The following MEGF8 variants were observed in gnomAD, a reference collection of about 807,000 sequenced individuals.
The protein encoded by MEGF8 is multiple EGF like domains 8.
MEGF8 carries 156 observed loss-of-function variants against 302.9 expected under a neutral mutation model. The observed-to-expected ratio is 0.52, with a 90% CI of 0.45 to 0.59. The LOEUF is 0.59. Ranked by LOEUF, MEGF8 falls within the 20% of genes least tolerant of loss-of-function variation. MEGF8 has a pLI of 0.00. For missense variants in MEGF8, 3,345 were observed against 3,964.5 expected (o/e 0.84, Z 4.20); for synonymous variants, 1,621 against 1,660.5 (o/e 0.98, Z 0.58).
Position 42,358,252 on chromosome 19 carries a change from C to T in MEGF8, c.5120C>T (p.Ser1707Phe), listed in dbSNP as rs865926329. 6.2e-7 allele frequency: 1 copy of T among 1,605,720 alleles called. No homozygotes were observed. The highest frequency in any genetic ancestry group is 8.5e-7 in the Non-Finnish European group (1 of 1,176,594). Reference protein sequence around the residue: ...ELAAPSPELYSLHCPDRTWSL... With the variant: ...ELAAPSPELYFLHCPDRTWSL... ...GCGGCCCCATCCCCCGAGCTCTACT[C>T]CCTGCACTGTCCTGACCGCACCTGG... The change falls in exon 29 of 42, where the codon TCC becomes TTC. Residue 1707 changes from serine (S) to phenylalanine (F), a missense_variant. Physicochemically the swap from Ser to Phe is radical, Grantham distance 155. Coordinates refer to ENST00000251268, the MANE Select transcript of MEGF8 (RefSeq NM_001271938.2). This position sits in a 1 kb window ranked among gnomAD's most constrained non-coding sequence, Gnocchi z 4.4.
At chr19:42,350,908 G>A (rs2147474880) in intron 15 of MEGF8, among the ~76,000 whole-genome samples, 1 of 152,254 alleles carries the variant, frequency 6.6e-6, no homozygotes, top group East Asian at 1.9e-4. Context: ...ACAGGCTCCT[G>A]GGCCAATGAC....
rs939847128 is a variant in MEGF8, at chr19:42,357,273, G to C, written c.4831-131G>C. On this transcript the variant is annotated intron_variant, in intron 27 of 41. Transcript: ENST00000251268. This position sits in a 1 kb window ranked among gnomAD's most constrained non-coding sequence, Gnocchi z 5.2. ...CCTCTGCCAGGACCCAGGCTGGTCC[G>C]ACTGGCCCTGGGGGGGTCATTCCCT... 6 of 1,163,752 alleles carry C rather than the reference G, an allele frequency of 5.2e-6. No homozygotes were observed. Among genetic ancestry groups the C allele is most frequent in the Non-Finnish European group, 7.2e-6 (6 of 828,434 alleles). 72.1% of individuals were successfully genotyped at this position (1,163,752 alleles called of 1,614,324 possible). A position where few individuals can be genotyped will look rare whatever the true frequency, so the allele number is the denominator to read the frequency against.
At position 42,375,443 on chromosome 19, in the gene MEGF8, G is replaced by C. The variant is rs1424158111; in HGVS notation, c.7270-64G>C. On this transcript the variant is annotated intron_variant, in intron 41 of 41. Coordinates refer to ENST00000251268, the MANE Select transcript of MEGF8 (RefSeq NM_001271938.2). This position sits in a 1 kb window ranked among gnomAD's most constrained non-coding sequence, Gnocchi z 7.1. ...TGGGTATAGAGTATTCGTCACTGCT[G>C]CTTGGGGGACAGGCTGGCACCGCAC... The C allele has an allele frequency of 6.9e-6, 10 of 1,459,488 alleles. No individual in the cohort carries two copies. The Admixed American group carries it at 2.3e-4, about 34-fold the overall frequency. 90.4% of individuals were successfully genotyped at this position (1,459,488 alleles called of 1,614,324 possible). A position where few individuals can be genotyped will look rare whatever the true frequency, so the allele number is the denominator to read the frequency against.
At position 42,362,378 on chromosome 19, in the gene MEGF8, C is replaced by G; in HGVS notation, c.5845-6C>G. On this transcript the variant is annotated splice_region_variant and splice_polypyrimidine_tract_variant and intron_variant, in intron 33 of 41. Coordinates refer to ENST00000251268, the MANE Select transcript of MEGF8 (RefSeq NM_001271938.2). ...GGGTCCCATCTAGCCTGTCTTCCCT[C>G]ACCAGGCGTCCACCCCCCGCTGTAA... is the stretch of plus-strand genomic sequence containing the variant. 2 of 1,613,856 alleles carry G rather than the reference C, an allele frequency of 1.2e-6. No individual in the cohort carries two copies.
At chr19:42,332,496 T>A (rs2039068235) in intron 1 of MEGF8, among the ~76,000 whole-genome samples, 1 of 152,174 alleles carries the variant, frequency 6.6e-6, no homozygotes. Flanking sequence ...GCCTCCCAAG[T>A]AGCTGGGATT....
chr19:42,351,041 GCCGAC>G lies in MEGF8; in HGVS notation c.2737-172_2737-168del. On this transcript the variant is annotated intron_variant, in intron 15 of 41. Coordinates refer to ENST00000251268, the MANE Select transcript of MEGF8 (RefSeq NM_001271938.2). The surrounding 1 kb of genome is among the most constrained non-coding windows in gnomAD (Gnocchi z 5.6). ...AAAGGAGACAGTGGGTGCTGGGCGG[GCCGAC>G]CCATGGGTGTCTGTGGTCGAAGGGA... 4.8e-6 allele frequency: 3 copies of G among 630,280 alleles called. No homozygotes were observed. Among genetic ancestry groups the G allele is most frequent in the Non-Finnish European group, 8.4e-6 (3 of 355,226 alleles). The allele number at this position is 630,280 out of a possible 1,614,324, so 39.0% of individuals were successfully genotyped here.
In MEGF8 at chr19:42,357,255, C is replaced by A; in HGVS notation, c.4831-149C>A. The A allele has an allele frequency of 9.8e-7, 1 of 1,020,078 alleles. No individual in the cohort carries two copies. Among genetic ancestry groups the A allele is most frequent in the Non-Finnish European group, 1.4e-6 (1 of 709,128 alleles). 63.2% of individuals were successfully genotyped at this position (1,020,078 alleles called of 1,614,324 possible). ...GCCAAGGGGCCCACTGTGCCTCTGC[C>A]AGGACCCAGGCTGGTCCGACTGGCC... is the stretch of plus-strand genomic sequence containing the variant. On this transcript the variant is annotated intron_variant, in intron 27 of 41. Transcript: ENST00000251268. The surrounding 1 kb of genome is among the most constrained non-coding windows in gnomAD (Gnocchi z 5.2).
At chr19:42,366,335 G>A (rs2039605774) in intron 35 of MEGF8, among the ~76,000 whole-genome samples, 1 of 152,042 alleles carries the variant, frequency 6.6e-6, no homozygotes, top group African/African-American at 2.4e-5. Flanking sequence ...CAAGCATCTG[G>A]GACTATAGAT....
In MEGF8 at chr19:42,352,539, G is replaced by T; in HGVS notation, c.3350+83G>T. On this transcript the variant is annotated intron_variant, in intron 19 of 41. Transcript: ENST00000251268. This position sits in a 1 kb window ranked among gnomAD's most constrained non-coding sequence, Gnocchi z 4.4. ...GGAGGGAGGAAGCCATCATGGCGCT[G>T]GGTCCCCTCCTGTGGAACCAGCATC... 6.8e-7 allele frequency: 1 copy of T among 1,475,692 alleles called. No homozygotes were observed. Among genetic ancestry groups the T allele is most frequent in the Non-Finnish European group, 9.1e-7 (1 of 1,101,626 alleles). The allele number at this position is 1,475,692 out of a possible 1,614,324, so 91.4% of individuals were successfully genotyped here.
In MEGF8 at chr19:42,333,748, A is replaced by G. The variant is rs1306126023; in HGVS notation, c.331A>G (p.Ile111Val). 29 of 1,613,790 alleles carry G rather than the reference A, an allele frequency of 1.8e-5. No individual in the cohort carries two copies. Among genetic ancestry groups the G allele is most frequent in the Non-Finnish European group, 2.2e-5 (26 of 1,179,858 alleles). The part of the protein sequence containing the change: ...SLSGSTRPPP[I>V]EASSGKMLLH... ...AAGTGGGAGCACCCGACCTCCGCCC[A>G]TCGAAGCTTCCTCAGGCAAGGTTAG... is the stretch of plus-strand genomic sequence containing the variant. The change falls in exon 2 of 42, where the codon ATC (isoleucine) becomes GTC (valine). Residue 111 changes from isoleucine (I) to valine (V), a missense_variant. By Grantham distance (29) the Ile-to-Val change is conservative. Transcript: ENST00000251268.
rs750624206 is a variant in MEGF8 at position 42,376,622 on chromosome 19, C to T, written c.8385C>T (p.Asn2795=). 2.7e-5 allele frequency: 41 copies of T among 1,543,858 alleles called. No individual in the cohort carries two copies. In the East Asian group the frequency reaches 6.8e-4, roughly 26 times the overall value. ...LQLPGGPHAP[N]GACLGSALVT... is the part of the protein sequence containing the mutation. ...TGCCTGGCGGGCCCCATGCACCCAA[C>T]GGCGCCTGCCTGGGGTCAGCCCTCG... Residue 2795 remains asparagine (N), a synonymous_variant, in exon 42 of 42, where the codon AAC becomes AAT. Transcript: ENST00000251268. This position sits in a 1 kb window ranked among gnomAD's most constrained non-coding sequence, Gnocchi z 8.2.
At position 42,336,312 on chromosome 19, in the gene MEGF8, C is replaced by A; in HGVS notation, c.1210C>A (p.Leu404Met). ...GTTCCATGCCCCCTCCCGTGCCCTG[C>A]TGGTCCATGGTGGACACCGGCCCTC... The part of the protein sequence containing the change: ...MVFHAPSRAL[L>M]VHGGHRPSTA... The change falls in exon 6 of 42, where the codon CTG becomes ATG. Residue 404 changes from leucine (L) to methionine (M), a missense_variant. Leu to Met is a conservative substitution (Grantham distance 15). Coordinates refer to ENST00000251268, the MANE Select transcript of MEGF8 (RefSeq NM_001271938.2). This position sits in a 1 kb window ranked among gnomAD's most constrained non-coding sequence, Gnocchi z 4.8. 1 of 1,605,854 alleles carries A rather than the reference C, an allele frequency of 6.2e-7. No homozygotes were observed. The highest frequency in any genetic ancestry group is 8.5e-7 in the Non-Finnish European group (1 of 1,178,204).
intron 8 of MEGF8, among the ~76,000 whole-genome samples, chr19:42,340,305 C>G (rs1414905601): frequency 6.6e-6 from 1 of 152,168 alleles, no homozygotes; most frequent in Admixed American, 6.5e-5. Flanking sequence ...TCTTGGCTCA[C>G]TCCAATCTCT....
At position 42,370,843 on chromosome 19, in the gene MEGF8, C is replaced by CGGGGGGGG. The variant is rs748624378; in HGVS notation, c.7136+34_7136+41dup. Reference sequence around the variant, plus strand: ...GGGAAGTGCACCAAGTAAGAGGAACCGGGGGGGGGGGGGGGGGGGGGGGGG... The same window carrying CGGGGGGGG: ...GGGAAGTGCACCAAGTAAGAGGAACCGGGGGGGGGGGGGGGGGGGGGGGGGGGGGGGGG... On this transcript the variant is annotated intron_variant, in intron 40 of 41. Transcript: ENST00000251268. 2 of 132,384 alleles carry CGGGGGGGG rather than the reference C, an allele frequency of 1.5e-5. No individual in the cohort carries two copies. Among genetic ancestry groups the CGGGGGGGG allele is most frequent in the African/African-American group, 1.0e-4 (1 of 9,844 alleles). 8.2% of individuals were successfully genotyped at this position (132,384 alleles called of 1,614,324 possible). A position where few individuals can be genotyped will look rare whatever the true frequency, so the allele number is the denominator to read the frequency against.
At chr19:42,330,832 G>T (rs1306021124) in intron 1 of MEGF8, among the ~76,000 whole-genome samples, 1 of 152,198 alleles carries the variant, frequency 6.6e-6, no homozygotes, top group Non-Finnish European at 1.5e-5. Context: ...ATCAGGAAGA[G>T]GCCTGGTGGT....
chr19:42,362,993 G>A (rs576824324), intron 34 of MEGF8, 55 bp from the exon 35 acceptor site: 2 of 1,477,602 alleles, frequency 1.4e-6, no homozygotes, highest in South Asian at 2.4e-5. Flanking sequence ...GGGAGGAGGG[G>A]CTGGGCTTGC....
rs1568560691 is a variant in MEGF8 at position 42,343,550 on chromosome 19, T to C, written c.1587T>C (p.Ala529=). The change falls in exon 9 of 42, where the codon GCT becomes GCC. Residue 529 remains alanine, a synonymous_variant. Coordinates refer to ENST00000251268, the MANE Select transcript of MEGF8 (RefSeq NM_001271938.2). ...TTGGTGGCAGCGTCCTGTTGGTGGC[T>C]GGGGGGTACAGCGGCCGGCCCCGTG... ...AVLGGSVLLV[A]GGYSGRPRGD... is the part of the protein sequence containing the mutation. 2.5e-6 allele frequency: 4 copies of C among 1,613,390 alleles called. No individual in the cohort carries two copies. The highest frequency in any genetic ancestry group is 3.4e-6 in the Non-Finnish European group (4 of 1,179,732).
At position 42,361,000 on chromosome 19, in the gene MEGF8, C is replaced by T; in HGVS notation, c.5714C>T (p.Ala1905Val). ...GGGGCCTGCTTGTCCGGGGATCAGG[C>T]CCACAGGTAACCATGGCGACCATGA... ...CHGACLSGDQ[A>V]HRLGCGGSPC... Residue 1905 changes from alanine to valine, a missense_variant, in exon 32 of 42, where the codon GCC (alanine) becomes GTC (valine). Transcript: ENST00000251268. 6.5e-7 allele frequency: 1 copy of T among 1,547,362 alleles called. No homozygotes were observed. The highest frequency in any genetic ancestry group is 8.7e-7 in the Non-Finnish European group (1 of 1,146,062).
rs749062580 is a variant in MEGF8, at chr19:42,344,078, G to A, written c.1788+5G>A. ...CCTGGGACCCCCTTGGGGGCTGTGAGTGACAGCCCTAGACCCTCTGTTCCC... is the reference window on the plus strand; with the variant it reads ...CCTGGGACCCCCTTGGGGGCTGTGAATGACAGCCCTAGACCCTCTGTTCCC... On this transcript the variant is annotated splice_donor_5th_base_variant and intron_variant, in intron 10 of 41. Coordinates refer to ENST00000251268, the MANE Select transcript of MEGF8 (RefSeq NM_001271938.2). This position sits in a 1 kb window ranked among gnomAD's most constrained non-coding sequence, Gnocchi z 4.5. 2 of 1,612,940 alleles carry A rather than the reference G, an allele frequency of 1.2e-6. No individual in the cohort carries two copies. The highest frequency in any genetic ancestry group is 1.7e-6 in the Non-Finnish European group (2 of 1,179,580).
Sources: gnomAD v4.1 joint callset for allele counts (sites outside exome capture counted in the v4.1 genomes callset) on GRCh38, gnomAD v4.1.1 for gene constraint, Gnocchi (gnomAD v3.1) non-coding constraint, MANE v1.5 for transcripts, NCBI Gene and HGNC (gene_info 2026-07-23, HGNC 2026-07-21) for gene names.